Variants in STAT5A observed in about 807,000 individuals in gnomAD.
The protein encoded by STAT5A is signal transducer and activator of transcription 5A, also known as epididymis secretory sperm binding protein.
STAT5A carries 26 observed loss-of-function variants against 100.2 expected under a neutral mutation model. The observed-to-expected ratio is 0.26, with a 90% CI of 0.19 to 0.36. The LOEUF (loss-of-function observed/expected upper bound fraction) is 0.36, where lower values mean the gene tolerates loss of function less well. STAT5A is among the 10% of genes least tolerant of loss of function. STAT5A has a pLI of 1.00. For synonymous variants in STAT5A, 330 were observed against 424.3 expected (o/e 0.78, Z 2.73); for missense variants, 634 against 1,027.5 (o/e 0.62, Z 5.24).
rs2080912281 is a variant in STAT5A at position 42,295,697 on chromosome 17, C to T, written c.454C>T (p.Arg152Ter). Reference sequence around the variant, plus strand: ...GATCAACCAGACATTTGAGGAGCTGCGACTGGTCACGCAGGACACAGAGAA... The same window carrying T: ...GATCAACCAGACATTTGAGGAGCTGTGACTGGTCACGCAGGACACAGAGAA... The part of the protein sequence containing the change: ...LQINQTFEEL[R>*]LVTQDTENEL... The change falls in exon 5 of 19, where the codon CGA becomes TGA. Residue 152 changes from arginine (R) to a stop codon, truncating the protein, a stop_gained. Transcript: ENST00000590949. LOFTEE classifies it high-confidence loss of function. 3.1e-6 allele frequency: 5 copies of T among 1,613,612 alleles called. No individual in the cohort carries two copies. The highest frequency in any genetic ancestry group is 3.3e-5 in the Admixed American group (2 of 59,896).
chr17:42,301,215 T>C, intron 8 of STAT5A, 60 bp from the exon 9 acceptor site: 6 of 1,578,404 alleles, frequency 3.8e-6, no homozygotes, highest in Non-Finnish European at 5.2e-6. Context: ...ACAGAGGGAC[T>C]GAGAGCCCTT....
intron 4 of STAT5A, among the ~76,000 whole-genome samples, chr17:42,294,872 T>G (rs1446358660): frequency 6.6e-6 from 1 of 151,888 alleles, no homozygotes; most frequent in East Asian, 1.9e-4. Flanking sequence ...TCCCTCCCTT[T>G]GTGACCTGGT....
intron 11 of STAT5A, 108 bp from the exon 12 acceptor site, chr17:42,305,502 C>CA (rs1009356032): frequency 0.021 from 16,017 of 751,406 alleles, no homozygotes; most frequent in Non-Finnish European, 0.023. Flanking sequence ...AACTCCATAT[C>CA]AAAAAAAAAA....
Position 42,299,810 on chromosome 17 carries a change from C to T in STAT5A, c.610C>T (p.Leu204Phe). Residue 204 changes from leucine (L) to phenylalanine (F), a missense_variant, in exon 6 of 19, where the codon CTC becomes TTC. By Grantham distance (22) the Leu-to-Phe change is conservative. Around this residue, in one of 5 missense-constraint regions of STAT5A, gnomAD observed 207 missense variants for 256.6 expected, o/e 0.81. Coordinates refer to ENST00000590949, the MANE Select transcript of STAT5A (RefSeq NM_001288718.2). ...GGAGCGTCTGAGCCGGGAGACGGCC[C>T]TCCAGCAGAAGCAGGTGTCTCTGGA... is the stretch of plus-strand genomic sequence containing the variant. ...PQERLSRETA[L>F]QQKQVSLEAW... 6.2e-7 allele frequency: 1 copy of T among 1,613,860 alleles called. No homozygotes were observed. Among genetic ancestry groups the T allele is most frequent in the African/African-American group, 1.3e-5 (1 of 74,978 alleles).
In STAT5A at chr17:42,289,392, C is replaced by T. The variant is rs2080846968; in HGVS notation, c.-10-10C>T. 1.3e-6 allele frequency: 2 copies of T among 1,598,844 alleles called. No individual in the cohort carries two copies. Among genetic ancestry groups the T allele is most frequent in the Non-Finnish European group, 1.7e-6 (2 of 1,173,174 alleles). On this transcript the variant is annotated splice_polypyrimidine_tract_variant and intron_variant, in intron 1 of 18. Transcript: ENST00000590949. ...CAGAGGAGAGCGCTTCAGCGCTCGG[C>T]TCGCCCTAGGTGAACGGCCATGGCG...
intron 13 of STAT5A, 146 bp downstream of exon 13, chr17:42,306,593 T>C (rs1291010607): frequency 1.6e-6 from 2 of 1,232,696 alleles, no homozygotes; most frequent in Non-Finnish European, 2.3e-6. Flanking sequence ...TGGGGGCCCC[T>C]AGCCTCAAGA....
At position 42,289,503 on chromosome 17, in the gene STAT5A, G is replaced by A; in HGVS notation, c.92G>A (p.Arg31Gln). Residue 31 changes from arginine (R) to glutamine (Q), a missense_variant, in exon 2 of 19, where the codon CGG (arginine) becomes CAG (glutamine). By Grantham distance (43) the Arg-to-Gln change is conservative (BLOSUM62 1). Around this residue, in one of 5 missense-constraint regions of STAT5A, gnomAD observed 207 missense variants for 256.6 expected, o/e 0.81. Coordinates refer to ENST00000590949, the MANE Select transcript of STAT5A (RefSeq NM_001288718.2). ...GGCCAGCACTTCCCCATCGAGGTCC[G>A]GCACTACTTGGCCCAGTGGATTGAG... ...LYGQHFPIEV[R>Q]HYLAQWIESQ... 1 of 1,613,248 alleles carries A rather than the reference G, an allele frequency of 6.2e-7. No individual in the cohort carries two copies.
rs1321633402 is a variant in STAT5A at position 42,301,462 on chromosome 17, T to C, written c.1169+8T>C. On this transcript the variant is annotated splice_region_variant and intron_variant, in intron 9 of 18. Coordinates refer to ENST00000590949, the MANE Select transcript of STAT5A (RefSeq NM_001288718.2). ...AAATGAGAACACCCGCAAGTAATTG[T>C]GCCTCTCCCTTCCCCTGCCCAAGCT... 6 of 1,613,996 alleles carry C rather than the reference T, an allele frequency of 3.7e-6. No homozygotes were observed. Among genetic ancestry groups the C allele is most frequent in the Non-Finnish European group, 4.2e-6 (5 of 1,180,002 alleles).
chr17:42,289,004 A>C (rs2144485755), intron 1 of STAT5A, among the ~76,000 whole-genome samples: 1 of 152,304 alleles, frequency 6.6e-6, no homozygotes, highest in African/African-American at 2.4e-5. Context: ...TCGGGTTGGA[A>C]TATCTCCCCT....
At chr17:42,294,334 C>T (rs1025832207) in intron 4 of STAT5A, among the ~76,000 whole-genome samples, 2 of 152,136 alleles carry the variant, frequency 1.3e-5, no homozygotes, top group Non-Finnish European at 2.9e-5. Flanking sequence ...ACTTCAGCCT[C>T]ATTGACAAAT....
At chr17:42,309,986 C>T (rs556131473) in intron 18 of STAT5A, among the ~76,000 whole-genome samples, 2 of 152,300 alleles carry the variant, frequency 1.3e-5, no homozygotes, top group South Asian at 2.1e-4. Flanking sequence ...GGTTCCAATC[C>T]GGACTCCACC....
At chr17:42,307,306 G>A in intron 13 of STAT5A, 96 bp from the exon 14 acceptor site, 1 of 1,238,346 alleles carries the variant, frequency 8.1e-7, no homozygotes, top group Non-Finnish European at 1.2e-6. Flanking sequence ...GTGAAGAACT[G>A]GGAGAAGACT....
At position 42,308,161 on chromosome 17, in the gene STAT5A, G is replaced by C; in HGVS notation, c.1907-17G>C. 1 of 1,613,134 alleles carries C rather than the reference G, an allele frequency of 6.2e-7. No individual in the cohort carries two copies. On this transcript the variant is annotated splice_polypyrimidine_tract_variant and intron_variant, in intron 15 of 18. Coordinates refer to ENST00000590949, the MANE Select transcript of STAT5A (RefSeq NM_001288718.2). This position sits in a 1 kb window ranked among gnomAD's most constrained non-coding sequence, Gnocchi z 4.6. ...TGCTGCTGGTGGATTATGGGAATGA[G>C]GCTGTTCTTTTCACAGCGGAACGCA...
chr17:42,305,697 G>A lies in STAT5A; in HGVS notation c.1468G>A (p.Glu490Lys). Residue 490 changes from glutamate (E) to lysine (K), a missense_variant, in exon 12 of 19, where the codon GAG becomes AAG. Transcript: ENST00000590949. ...TGTGCTGTGGGACAATGCCTTTGCT[G>A]AGCCGGTGAGTCCCCGTGGGAGCCC... ...ATVLWDNAFA[E>K]PGRVPFAVPD... 1 of 1,614,028 alleles carries A rather than the reference G, an allele frequency of 6.2e-7. No homozygotes were observed. Among genetic ancestry groups the A allele is most frequent in the Non-Finnish European group, 8.5e-7 (1 of 1,180,002 alleles).
rs2081048970 is a variant in STAT5A at position 42,308,306 on chromosome 17, T to G, written c.2035T>G (p.Phe679Val). 1.2e-6 allele frequency: 2 copies of G among 1,614,238 alleles called. No homozygotes were observed. Residue 679 changes from phenylalanine (F) to valine (V), a missense_variant, in exon 16 of 19, where the codon TTC (phenylalanine) becomes GTC (valine). Around this residue, in one of 5 missense-constraint regions of STAT5A, gnomAD observed 210 missense variants for 428.4 expected, o/e 0.49. Coordinates refer to ENST00000590949, the MANE Select transcript of STAT5A (RefSeq NM_001288718.2). This position sits in a 1 kb window ranked among gnomAD's most constrained non-coding sequence, Gnocchi z 4.6. ...VFPDRPKDEVFSKYYTPVLAK... is the reference protein window; with the variant it reads ...VFPDRPKDEVVSKYYTPVLAK... ...TCCTGACCGCCCCAAGGATGAGGTC[T>G]TCTCCAAGTACTACACTCCTGTGCT...
intron 6 of STAT5A, 86 bp downstream of exon 6, chr17:42,299,967 G>A: frequency 2.7e-6 from 4 of 1,460,692 alleles, no homozygotes; most frequent in Non-Finnish European, 3.7e-6. Flanking sequence ...ACCAGCATGA[G>A]AGCAGAACCT....
chr17:42,300,618 A>G, intron 7 of STAT5A, 97 bp from the exon 8 acceptor site: 1 of 1,593,006 alleles, frequency 6.3e-7, no homozygotes, highest in Non-Finnish European at 8.6e-7. Flanking sequence ...TGGCGAAAGC[A>G]CAGAGCCTTC....
At chr17:42,309,766 A>C in intron 18 of STAT5A, 8 of 350,598 alleles carry the variant, frequency 2.3e-5, no homozygotes, top group Non-Finnish European at 3.7e-5. Context: ...CCTCATGAGA[A>C]TGGGATGAGC....
chr17:42,292,683 G>A (rs965063134), intron 4 of STAT5A, among the ~76,000 whole-genome samples: 2 of 149,024 alleles, frequency 1.3e-5, no homozygotes, highest in African/African-American at 5.0e-5. Flanking sequence ...CTGGAGTGCA[G>A]TGATGTGATC....
Sources: gnomAD v4.1 joint callset for allele counts (sites outside exome capture counted in the v4.1 genomes callset) on GRCh38, gnomAD v4.1.1 for gene constraint, gnomAD v4.1.1 regional missense constraint, Gnocchi (gnomAD v3.1) non-coding constraint, MANE v1.5 for transcripts, NCBI Gene and HGNC (gene_info 2026-07-23, HGNC 2026-07-21) for gene names.